FBXL17: variants seen among roughly 807,000 people sequenced by gnomAD.
FBXL17 encodes F-box and leucine rich repeat protein 17, also known as F-box/LRR-repeat protein 17.
In FBXL17, 22 loss-of-function variants were observed where a neutral mutation model predicts 66.2. That is an observed-to-expected ratio of 0.33 (90% confidence interval 0.24 to 0.47). FBXL17 has a LOEUF of 0.47. Ranked by LOEUF, FBXL17 falls within the 20% of genes least tolerant of loss-of-function variation. The pLI is 1.00. For missense variants in FBXL17, 878 were observed against 948.2 expected, an observed-to-expected ratio of 0.93 and a Z score of 0.97; for synonymous variants, 474 against 400.5, an observed-to-expected ratio of 1.18 and a Z score of -2.19.
At position 108,146,983 on chromosome 5, in the gene FBXL17, T is replaced by C. The variant is rs554879552; in HGVS notation, c.1745+39134A>G. Among the ~76,000 whole-genome samples, 6 of 152,312 alleles carry C rather than the reference T, an allele frequency of 3.9e-5. No individual in the cohort carries two copies. In the East Asian group the frequency reaches 1.2e-3, roughly 29 times the overall value. Reference sequence around the variant, plus strand: ...AGGAACTAGCAGATTCAACATCTGATGAAGGTTCTCTCTCTGCTTCATAGA... The same window carrying C: ...AGGAACTAGCAGATTCAACATCTGACGAAGGTTCTCTCTCTGCTTCATAGA... On this transcript the variant is annotated intron_variant, in intron 6 of 8. Coordinates refer to ENST00000542267, the MANE Select transcript of FBXL17 (RefSeq NM_001163315.3).
chr5:108,314,883 T>C (rs1410846829), intron 4 of FBXL17, among the ~76,000 whole-genome samples: 1 of 151,424 alleles, frequency 6.6e-6, no homozygotes, highest in Non-Finnish European at 1.5e-5. Flanking sequence ...ATCATAATAC[T>C]AATTTAGTAG....
At chr5:107,939,877 C>A (rs1046858934) in intron 7 of FBXL17, among the ~76,000 whole-genome samples, 3 of 152,152 alleles carry the variant, frequency 2.0e-5, no homozygotes, top group Admixed American at 2.0e-4. Context: ...CAGGCTAATG[C>A]ACACTTCATT....
At chr5:108,091,507 C>T (rs1253594764) in intron 6 of FBXL17, among the ~76,000 whole-genome samples, 4 of 152,182 alleles carry the variant, frequency 2.6e-5, no homozygotes, top group Non-Finnish European at 5.9e-5. Context: ...CATTTGGGTA[C>T]TTTATTGCAT....
At chr5:108,238,771 A>G (rs941671263) in intron 4 of FBXL17, among the ~76,000 whole-genome samples, 1 of 152,134 alleles carries the variant, frequency 6.6e-6, no homozygotes. Flanking sequence ...TCAGCCTCCC[A>G]AAGTTTTCAG....
intron 7 of FBXL17, among the ~76,000 whole-genome samples, chr5:107,904,822 A>C (rs1329304893): frequency 1.3e-5 from 2 of 152,196 alleles, no homozygotes; most frequent in African/African-American, 4.8e-5. Flanking sequence ...AATATAACAT[A>C]TGCTTAATTG....
At chr5:108,369,029 G>A (rs189793399) in intron 1 of FBXL17, among the ~76,000 whole-genome samples, 102 of 152,106 alleles carry the variant, frequency 6.7e-4, no homozygotes, top group African/African-American at 2.3e-3. Context: ...CCCTGACCAT[G>A]TAAATTGATA....
rs888725612 is a variant in FBXL17 at position 107,992,631 on chromosome 5, T to C, written c.1822+28294A>G. On this transcript the variant is annotated intron_variant, in intron 7 of 8. Transcript: ENST00000542267. The stretch of plus-strand genomic sequence containing the variant: ...TTCTATGTGTGCTTTGGGGTACACA[T>C]TTTAAAAATTTTTTTATCAAGGAAA... 7.2e-5 allele frequency among the ~76,000 whole-genome samples: 11 copies of C among 152,306 alleles called. 1 individual carries two copies. Among genetic ancestry groups the C allele is most frequent in the African/African-American group, 2.6e-4 (11 of 41,566 alleles).
intron 6 of FBXL17, among the ~76,000 whole-genome samples, chr5:108,098,699 C>G (rs1048879485): frequency 1.4e-5 from 2 of 144,098 alleles, no homozygotes; most frequent in African/African-American, 5.2e-5. Context: ...GAGCCAAGAT[C>G]GTGCTGCTGC....
intron 5 of FBXL17, among the ~76,000 whole-genome samples, chr5:108,216,772 G>A (rs923232920): frequency 8.5e-5 from 13 of 152,102 alleles, no homozygotes; most frequent in Non-Finnish European, 1.3e-4. Flanking sequence ...AAAAATTCAA[G>A]CGGCAGGTAC....
In FBXL17 at chr5:108,003,832, TA is replaced by T. The variant is rs553194392; in HGVS notation, c.1822+17092del. ...TAAAATAAAAGAGAGATTAATAGAT[TA>T]AAAATATAGCATGAGAAGGTCTAAT... On this transcript the variant is annotated intron_variant, in intron 7 of 8. Transcript: ENST00000542267. 5.5e-3 allele frequency among the ~76,000 whole-genome samples: 840 copies of T among 152,090 alleles called. 6 individuals are homozygous for T. The highest frequency in any genetic ancestry group is 0.018 in the African/African-American group (757 of 41,496).
At chr5:108,153,599 G>C (rs912123828) in intron 6 of FBXL17, among the ~76,000 whole-genome samples, 5 of 152,070 alleles carry the variant, frequency 3.3e-5, no homozygotes, top group African/African-American at 4.8e-5. Flanking sequence ...TGATCTACTA[G>C]GTGGTAACCC....
chr5:108,253,652 AAC>A (rs1296668141), intron 4 of FBXL17, among the ~76,000 whole-genome samples: 1 of 152,144 alleles, frequency 6.6e-6, no homozygotes, highest in African/African-American at 2.4e-5. Flanking sequence ...AATTAGAACT[AAC>A]AATAATTTAA....
intron 3 of FBXL17, among the ~76,000 whole-genome samples, chr5:108,355,640 CAA>C (rs1220327721): frequency 2.0e-5 from 3 of 151,892 alleles, no homozygotes; most frequent in Admixed American, 1.3e-4. Context: ...TGATGCAGTA[CAA>C]AGTTATTTGA....
At chr5:108,282,628 A>G (rs1449873902) in intron 4 of FBXL17, among the ~76,000 whole-genome samples, 2 of 151,716 alleles carry the variant, frequency 1.3e-5, no homozygotes, top group Non-Finnish European at 3.0e-5. Context: ...CCACTTTACT[A>G]TTCCTATTTA....
At chr5:108,143,726 GAAAAAA>G (rs67537467) in intron 6 of FBXL17, among the ~76,000 whole-genome samples, 49 of 107,514 alleles carry the variant, frequency 4.6e-4, no homozygotes, top group East Asian at 1.7e-3. Context: ...GTTTTCATGG[GAAAAAA>G]AAAAAAAAAA....
chr5:108,228,491 T>C (rs1414541225), intron 4 of FBXL17, among the ~76,000 whole-genome samples: 1 of 152,182 alleles, frequency 6.6e-6, no homozygotes, highest in Non-Finnish European at 1.5e-5. Flanking sequence ...TACACTTTGT[T>C]CATTCTATAA....
intron 7 of FBXL17, among the ~76,000 whole-genome samples, chr5:107,887,958 C>T (rs1749029989): frequency 6.6e-6 from 1 of 152,174 alleles, no homozygotes; most frequent in Admixed American, 6.5e-5. Context: ...TGTGTTCTGA[C>T]ACTTTAAAAC....
At chr5:108,251,872 T>C (rs755522516) in intron 4 of FBXL17, among the ~76,000 whole-genome samples, 1 of 152,140 alleles carries the variant, frequency 6.6e-6, no homozygotes, top group Non-Finnish European at 1.5e-5. Flanking sequence ...GGCTGAGATA[T>C]AGACATATTC....
intron 6 of FBXL17, among the ~76,000 whole-genome samples, chr5:108,160,734 G>C (rs1580534072): frequency 6.6e-6 from 1 of 152,156 alleles, no homozygotes; most frequent in Non-Finnish European, 1.5e-5. Flanking sequence ...GAAAGGACTA[G>C]AGAAGAGAGA....
Sources: gnomAD v4.1 joint callset for allele counts (sites outside exome capture counted in the v4.1 genomes callset) on GRCh38, gnomAD v4.1.1 for gene constraint, MANE v1.5 for transcripts, NCBI Gene and HGNC (gene_info 2026-07-23, HGNC 2026-07-21) for gene names.